CCDC171: variants seen among roughly 807,000 people sequenced by gnomAD.
CCDC171 encodes coiled-coil domain-containing protein 171.
CCDC171 carries 177 observed loss-of-function variants against 168.2 expected under a neutral mutation model. The ratio of observed to expected loss-of-function variants is 1.05; its 90% confidence interval spans 0.93 to 1.19. The LOEUF (loss-of-function observed/expected upper bound fraction) is 1.19, where lower values mean the gene tolerates loss of function less well. Among genes scored for constraint, CCDC171 ranks in the 50% most tolerant of loss-of-function variants. CCDC171 has a pLI of 0.00. For missense variants in CCDC171, 1,991 were observed against 1,539.0 expected (o/e 1.29, Z -4.91); for synonymous variants, 687 against 540.8 (o/e 1.27, Z -3.75).
At chr9:15,735,628 A>G (rs896935715) in intron 16 of CCDC171, among the ~76,000 whole-genome samples, 15 of 152,220 alleles carry the variant, frequency 9.9e-5, no homozygotes, top group African/African-American at 1.4e-4. Flanking sequence ...GTATTTGGCA[A>G]GGAATCCAGG....
chr9:15,765,884 G>T (rs1411599168), intron 18 of CCDC171, among the ~76,000 whole-genome samples: 1 of 152,158 alleles, frequency 6.6e-6, no homozygotes, highest in Non-Finnish European at 1.5e-5. Context: ...CATATTTTGT[G>T]AGCAGAGGCA....
intron 1 of CCDC171, among the ~76,000 whole-genome samples, chr9:16,058,936 C>T (rs1299340222): frequency 6.6e-6 from 1 of 152,206 alleles, no homozygotes; most frequent in East Asian, 1.9e-4. Context: ...AGTGTGGTTT[C>T]AGTTGTGTTT....
chr9:15,723,637 C>T (rs774261829), intron 12 of CCDC171, 44 bp from the exon 13 acceptor site: 1 of 1,446,558 alleles, frequency 6.9e-7, no homozygotes. Context: ...AAAAAAGTTA[C>T]TTATATTTTC....
chr9:15,587,446 C>T (rs2041650602), intron 4 of CCDC171, among the ~76,000 whole-genome samples: 1 of 152,194 alleles, frequency 6.6e-6, no homozygotes, highest in Non-Finnish European at 1.5e-5. Context: ...ACTTGCTTCT[C>T]CTTGCCTTCT....
At chr9:15,996,878 G>A (rs1832390964) in intron 3 of CCDC171, among the ~76,000 whole-genome samples, 1 of 152,116 alleles carries the variant, frequency 6.6e-6, no homozygotes, top group African/African-American at 2.4e-5. Flanking sequence ...TAATGAATAT[G>A]GCACATAAGA....
chr9:15,663,017 AACAAC>A (rs2048443781), intron 8 of CCDC171, among the ~76,000 whole-genome samples: 2 of 148,986 alleles, frequency 1.3e-5, no homozygotes, highest in Non-Finnish European at 3.0e-5. Context: ...CAACAACAAC[AACAAC>A]AAATTGCCTG....
intron 25 of CCDC171, among the ~76,000 whole-genome samples, chr9:15,936,171 A>G (rs1827093405): frequency 6.6e-6 from 1 of 152,040 alleles, no homozygotes; most frequent in African/African-American, 2.4e-5. Context: ...ACAGACCCAG[A>G]TGAAGGTCCC....
At position 15,711,245 on chromosome 9, in the gene CCDC171, A is replaced by T. The variant is rs964207536; in HGVS notation, c.1319-10524A>T. On this transcript the variant is annotated intron_variant, in intron 11 of 25. Transcript: ENST00000380701. ...CTATCCACAGATTGGACAGTACAGA[A>T]TTGAAGGCTTGATTAAGGCTTGGCC... Among the ~76,000 whole-genome samples the T allele has an allele frequency of 3.3e-5, 5 of 152,334 alleles. No homozygotes were observed. The South Asian group carries it at 1.0e-3, about 32-fold the overall frequency.
chr9:16,018,346 C>G (rs1280346653), intron 3 of CCDC171, among the ~76,000 whole-genome samples: 1 of 152,132 alleles, frequency 6.6e-6, no homozygotes, highest in Admixed American at 6.5e-5. Flanking sequence ...TCCATATACT[C>G]CCACATTGCA....
At chr9:16,096,447 G>A in the CCDC171 span, among the ~76,000 whole-genome samples, 1 of 152,176 alleles carries the variant, frequency 6.6e-6, no homozygotes, top group Admixed American at 6.5e-5. Context: ...AGCAGAAGAT[G>A]TGTGACTGCT....
the CCDC171 span, among the ~76,000 whole-genome samples, chr9:16,087,230 T>C: frequency 6.6e-6 from 1 of 152,168 alleles, no homozygotes; most frequent in Admixed American, 6.5e-5. Flanking sequence ...GAGAGTTCTG[T>C]AGATGTCTAT....
chr9:16,068,413 C>T, the CCDC171 span, among the ~76,000 whole-genome samples: 2 of 152,178 alleles, frequency 1.3e-5, no homozygotes, highest in African/African-American at 4.8e-5. Flanking sequence ...ATGCCATCCC[C>T]ATCAAGCTAC....
intron 21 of CCDC171, among the ~76,000 whole-genome samples, chr9:15,797,203 A>G (rs925897428): frequency 1.3e-5 from 2 of 152,108 alleles, no homozygotes; most frequent in African/African-American, 4.8e-5. Context: ...TGTTCAAACC[A>G]TGTGATATTT....
chr9:16,036,414 G>A (rs1321588377), intron 8 of CCDC171, among the ~76,000 whole-genome samples: 1 of 152,216 alleles, frequency 6.6e-6, no homozygotes, highest in Admixed American at 6.5e-5. Flanking sequence ...GGAGGCCAAG[G>A]CAGGCGGATC....
intron 3 of CCDC171, among the ~76,000 whole-genome samples, chr9:15,989,663 A>G (rs533518113): frequency 4.6e-5 from 7 of 152,214 alleles, no homozygotes; most frequent in Admixed American, 3.9e-4. Context: ...CATCTCAAAG[A>G]AGCTAAAAAC....
intron 24 of CCDC171, among the ~76,000 whole-genome samples, chr9:15,879,928 C>G (rs1165100050): frequency 1.3e-5 from 2 of 152,230 alleles, no homozygotes; most frequent in East Asian, 3.9e-4. Flanking sequence ...TTCCACTTTA[C>G]CCCCTGCAAG....
At chr9:15,715,267 G>A (rs2052997965) in intron 11 of CCDC171, among the ~76,000 whole-genome samples, 1 of 152,178 alleles carries the variant, frequency 6.6e-6, no homozygotes, top group Non-Finnish European at 1.5e-5. Context: ...CCATATGTTA[G>A]AAAAGTTATG....
intron 24 of CCDC171, among the ~76,000 whole-genome samples, chr9:15,888,564 C>G (rs1819744506): frequency 6.6e-6 from 1 of 152,222 alleles, no homozygotes; most frequent in African/African-American, 2.4e-5. Context: ...TGTAGCTCCT[C>G]TGAAACTAGC....
At chr9:15,914,965 G>C (rs1271638738) in intron 24 of CCDC171, among the ~76,000 whole-genome samples, 1 of 152,058 alleles carries the variant, frequency 6.6e-6, no homozygotes, top group East Asian at 1.9e-4. Flanking sequence ...CTCACCCTCT[G>C]TGGGCTGTAC....
Sources: allele counts gnomAD v4.1 joint callset (sites outside exome capture counted in the v4.1 genomes callset), GRCh38; gene constraint gnomAD v4.1.1; transcripts MANE v1.5; gene names NCBI Gene and HGNC (gene_info 2026-07-23, HGNC 2026-07-21).